Variants in ERBB4 observed in about 807,000 individuals in gnomAD.
ERBB4 encodes the protein erb-b2 receptor tyrosine kinase 4.
In ERBB4, 42 loss-of-function variants were observed where a neutral mutation model predicts 158.0. That is an observed-to-expected ratio of 0.27 (90% confidence interval 0.21 to 0.34). The LOEUF is 0.34. Ranked by LOEUF, ERBB4 falls within the 10% of genes least tolerant of loss-of-function variation. The pLI is 1.00. For missense variants in ERBB4, 1,333 were observed against 1,624.1 expected, an observed-to-expected ratio of 0.82 and a Z score of 3.08; for synonymous variants, 583 against 558.7, an observed-to-expected ratio of 1.04 and a Z score of -0.61.
intron 1 of ERBB4, among the ~76,000 whole-genome samples, chr2:212,227,120 C>T (rs1392868476): frequency 6.6e-6 from 1 of 151,950 alleles, no homozygotes; most frequent in African/African-American, 2.4e-5. Context: ...GTGGTTCATG[C>T]CTGTAATCCC....
chr2:211,981,684 T>C (rs1392571413), intron 2 of ERBB4, among the ~76,000 whole-genome samples: 3 of 152,220 alleles, frequency 2.0e-5, no homozygotes, highest in Non-Finnish European at 4.4e-5. Flanking sequence ...AATTTTTCCC[T>C]GTGGACACTT....
intron 15 of ERBB4, among the ~76,000 whole-genome samples, chr2:211,661,074 A>T (rs1368987214): frequency 6.6e-6 from 1 of 152,064 alleles, no homozygotes; most frequent in Non-Finnish European, 1.5e-5. Context: ...AGGGAGCAGG[A>T]TGTAGGGTCA....
chr2:212,400,927 G>C (rs1026317772), intron 1 of ERBB4, among the ~76,000 whole-genome samples: 2 of 152,098 alleles, frequency 1.3e-5, no homozygotes, highest in African/African-American at 4.8e-5. Flanking sequence ...CATGTATATA[G>C]TACAACCTAA....
At chr2:212,032,433 G>A (rs530739885) in intron 2 of ERBB4, among the ~76,000 whole-genome samples, 1 of 152,096 alleles carries the variant, frequency 6.6e-6, no homozygotes, top group Non-Finnish European at 1.5e-5. Context: ...TGCCACATAT[G>A]CATTCTGCTG....
At chr2:211,464,922 G>A (rs2125510641) in intron 20 of ERBB4, among the ~76,000 whole-genome samples, 1 of 151,080 alleles carries the variant, frequency 6.6e-6, no homozygotes, top group African/African-American at 2.4e-5. Flanking sequence ...GAGGCTTAAT[G>A]AGAGGCATAC....
intron 1 of ERBB4, among the ~76,000 whole-genome samples, chr2:212,422,275 C>A (rs1266521688): frequency 6.6e-6 from 1 of 152,024 alleles, no homozygotes; most frequent in East Asian, 1.9e-4. Context: ...GAGGCCAAGG[C>A]GGGTGGATAA....
intron 1 of ERBB4, among the ~76,000 whole-genome samples, chr2:212,149,435 T>C (rs950694736): frequency 6.6e-5 from 10 of 152,082 alleles, no homozygotes; most frequent in African/African-American, 2.4e-4. Flanking sequence ...TTGTAGTAAA[T>C]TGAACATGAA....
At chr2:211,857,137 C>G (rs1025930848) in intron 3 of ERBB4, among the ~76,000 whole-genome samples, 1 of 148,224 alleles carries the variant, frequency 6.7e-6, no homozygotes, top group Non-Finnish European at 1.5e-5. Flanking sequence ...TCCTCTGACT[C>G]TGTGTATATC....
At chr2:212,124,461 CA>C (rs2079856579) in intron 2 of ERBB4, 14 of 406,068 alleles carry the variant, frequency 3.4e-5, no homozygotes, top group South Asian at 2.1e-4. Context: ...TCCTAGTTCA[CA>C]GCTTGTCAGA....
intron 4 of ERBB4, among the ~76,000 whole-genome samples, chr2:211,774,538 G>A (rs1020916165): frequency 2.6e-5 from 4 of 152,268 alleles, no homozygotes; most frequent in Non-Finnish European, 5.9e-5. Context: ...AAGCACAGCT[G>A]AACCCTCGTC....
At chr2:212,438,905 G>A (rs1450133800) in intron 1 of ERBB4, among the ~76,000 whole-genome samples, 1 of 151,928 alleles carries the variant, frequency 6.6e-6, no homozygotes, top group Admixed American at 6.6e-5. Flanking sequence ...AGCAAAACAG[G>A]GAATCCAGAA....
intron 19 of ERBB4, among the ~76,000 whole-genome samples, chr2:211,601,249 G>GAAA (rs150456989): frequency 0.05 from 7,651 of 151,564 alleles, 502 homozygotes; most frequent in African/African-American, 0.15. Context: ...CTCAGAAAAA[G>GAAA]AAAAAACATA....
intron 20 of ERBB4, among the ~76,000 whole-genome samples, chr2:211,473,173 A>G (rs78025497): frequency 0.029 from 4,419 of 152,058 alleles, 201 homozygotes; most frequent in African/African-American, 0.1. Flanking sequence ...GAGTTTACAC[A>G]CAAATAGAGG....
intron 1 of ERBB4, among the ~76,000 whole-genome samples, chr2:212,183,722 G>T (rs186207308): frequency 1.3e-5 from 2 of 152,016 alleles, no homozygotes; most frequent in Admixed American, 6.6e-5. Context: ...TAACATGAAA[G>T]AACATTTTTC....
intron 1 of ERBB4, among the ~76,000 whole-genome samples, chr2:212,182,228 G>A (rs2081890842): frequency 6.6e-6 from 1 of 151,632 alleles, no homozygotes; most frequent in Non-Finnish European, 1.5e-5. Context: ...CCATTTTAAT[G>A]ATGATGAAAT....
intron 19 of ERBB4, among the ~76,000 whole-genome samples, chr2:211,580,824 T>TATAGATTATA (rs1491111562): frequency 1.3e-3 from 18 of 13,502 alleles, no homozygotes; most frequent in Admixed American, 2.2e-3. Context: ...TATATATATA[T>TATAGATTATA]TATATATATA....
chr2:211,757,793 G>T (rs1405904480), intron 4 of ERBB4, among the ~76,000 whole-genome samples: 1 of 152,158 alleles, frequency 6.6e-6, no homozygotes, highest in Non-Finnish European at 1.5e-5. Flanking sequence ...TTGCAAATTT[G>T]TATTTTTCCT....
At chr2:211,476,332 A>G (rs956739479) in intron 20 of ERBB4, among the ~76,000 whole-genome samples, 1 of 152,270 alleles carries the variant, frequency 6.6e-6, no homozygotes, top group East Asian at 1.9e-4. Context: ...TGAGTGCTCA[A>G]TAAAAAAATG....
At chr2:212,116,518 G>A (rs2079576533) in intron 2 of ERBB4, among the ~76,000 whole-genome samples, 1 of 152,150 alleles carries the variant, frequency 6.6e-6, no homozygotes, top group Admixed American at 6.6e-5. Flanking sequence ...CACAATCATA[G>A]TTCTCTGCAG....
Sources: gnomAD v4.1 joint callset for allele counts (sites outside exome capture counted in the v4.1 genomes callset) on GRCh38, gnomAD v4.1.1 for gene constraint, MANE v1.5 for transcripts, NCBI Gene and HGNC (gene_info 2026-07-23, HGNC 2026-07-21) for gene names.